The following UBE2E2 variants were observed in gnomAD, a reference collection of about 807,000 sequenced individuals.
UBE2E2 encodes ubiquitin conjugating enzyme E2 E2, also known as ubiquitin-conjugating enzyme E2 E2.
In UBE2E2, 6 loss-of-function variants were observed where a neutral mutation model predicts 24.7. That is an observed-to-expected ratio of 0.24 (90% confidence interval 0.13 to 0.48). The LOEUF (loss-of-function observed/expected upper bound fraction) is 0.48, where lower values mean the gene tolerates loss of function less well. Ranked by LOEUF, UBE2E2 falls within the 20% of genes least tolerant of loss-of-function variation. The probability of loss-of-function intolerance (pLI) is 0.99; values close to 1 mark genes in which losing one functional copy is unlikely to be tolerated. For missense variants in UBE2E2, 169 were observed against 245.0 expected, an observed-to-expected ratio of 0.69 and a Z score of 2.07; for synonymous variants, 104 against 83.6, an observed-to-expected ratio of 1.24 and a Z score of -1.33.
chr3:23,344,862 G>A (rs1271911548), intron 3 of UBE2E2, among the ~76,000 whole-genome samples: 2 of 151,712 alleles, frequency 1.3e-5, no homozygotes, highest in Non-Finnish European at 2.9e-5. Context: ...TAGCACATAA[G>A]TGATCATTAA....
intron 3 of UBE2E2, among the ~76,000 whole-genome samples, chr3:23,217,567 A>G (rs1177092197): frequency 1.3e-5 from 2 of 152,104 alleles, no homozygotes; most frequent in African/African-American, 2.4e-5. Context: ...CAATGAAATT[A>G]TAGGGTAACA....
intron 3 of UBE2E2, among the ~76,000 whole-genome samples, chr3:23,248,567 T>C (rs1299745558): frequency 1.3e-5 from 2 of 152,242 alleles, no homozygotes. Context: ...CACATGCATT[T>C]CACTTTAGTT....
chr3:23,590,762 A>G lies in UBE2E2; in HGVS notation c.*931A>G, dbSNP rs1437341200. ...CAGCTGTCAGTAGCCTGATGATTTT[A>G]TGGTTGTTATAGTAAATTGCTATCA... On this transcript the variant is annotated 3_prime_UTR_variant, in exon 6 of 6. Coordinates refer to ENST00000396703, the MANE Select transcript of UBE2E2 (RefSeq NM_152653.4). The G allele has an allele frequency of 1.3e-5, 2 of 152,186 alleles. No homozygotes were observed. The highest frequency in any genetic ancestry group is 2.9e-5 in the Non-Finnish European group (2 of 68,022). The allele number at this position is 152,186 out of a possible 1,614,324, so 9.4% of individuals were successfully genotyped here. A position where few individuals can be genotyped will look rare whatever the true frequency, so the allele number is the denominator to read the frequency against.
chr3:23,272,130 GC>G (rs1243327592), intron 3 of UBE2E2, among the ~76,000 whole-genome samples: 1 of 152,180 alleles, frequency 6.6e-6, no homozygotes, highest in Non-Finnish European at 1.5e-5. Context: ...CCGCCAGGGG[GC>G]TCGGCCATGG....
intron 3 of UBE2E2, among the ~76,000 whole-genome samples, chr3:23,299,871 G>C (rs1443686714): frequency 6.6e-6 from 1 of 152,070 alleles, no homozygotes; most frequent in East Asian, 1.9e-4. Context: ...TCTGTCTAAT[G>C]TTGACAGTGG....
chr3:23,337,779 T>C (rs1695252359), intron 3 of UBE2E2, among the ~76,000 whole-genome samples: 1 of 152,142 alleles, frequency 6.6e-6, no homozygotes, highest in African/African-American at 2.4e-5. Context: ...GCTATAAAGA[T>C]TGGTAGGAGT....
At chr3:23,420,683 A>C (rs1408850320) in intron 3 of UBE2E2, among the ~76,000 whole-genome samples, 1 of 152,242 alleles carries the variant, frequency 6.6e-6, no homozygotes, top group East Asian at 1.9e-4. Context: ...ACTTGTAAAG[A>C]GGCAAGAATA....
In UBE2E2 at chr3:23,208,816, GAA is replaced by G. The variant is rs1559439204; in HGVS notation, c.121_122del (p.Lys41GlyfsTer11). 2 of 1,613,292 alleles carry G rather than the reference GAA, an allele frequency of 1.2e-6. No homozygotes were observed. The highest frequency in any genetic ancestry group is 1.7e-6 in the Non-Finnish European group (2 of 1,179,608). On this transcript the variant is annotated frameshift_variant, in exon 2 of 6. Coordinates refer to ENST00000396703, the MANE Select transcript of UBE2E2 (RefSeq NM_152653.4). LOFTEE classifies it high-confidence loss of function. ...EPEREQVQPKKKEGKISSKTA... is the reference protein window; with the variant it reads ...EPEREQVQPKXKEGKISSKTA... ...CAGAAAGAGAACAAGTTCAGCCCAA[GAA>G]AAAGGAGGGAAAAATATCCAGCAAA...
At chr3:23,411,332 A>G (rs1697493040) in intron 3 of UBE2E2, among the ~76,000 whole-genome samples, 1 of 152,156 alleles carries the variant, frequency 6.6e-6, no homozygotes, top group South Asian at 2.1e-4. Flanking sequence ...TGTGCTCTAG[A>G]TGATGCCTCC....
chr3:23,451,735 T>A (rs1191917360), intron 3 of UBE2E2, among the ~76,000 whole-genome samples: 1 of 152,212 alleles, frequency 6.6e-6, no homozygotes, highest in Non-Finnish European at 1.5e-5. Context: ...CATACAATCG[T>A]TAGTTATTTT....
intron 3 of UBE2E2, among the ~76,000 whole-genome samples, chr3:23,449,180 T>C (rs947778633): frequency 6.6e-6 from 1 of 152,222 alleles, no homozygotes; most frequent in African/African-American, 2.4e-5. Flanking sequence ...CTGTGTGTGC[T>C]GCAGCCCAAA....
At chr3:23,379,334 G>A (rs1304572043) in intron 3 of UBE2E2, among the ~76,000 whole-genome samples, 3 of 150,692 alleles carry the variant, frequency 2.0e-5, no homozygotes, top group East Asian at 2.0e-4. Flanking sequence ...ATGCTGGTGC[G>A]CTGCACCCAC....
intron 1 of UBE2E2, chr3:23,204,743 C>T (rs1004332611): frequency 1.0e-6 from 1 of 985,242 alleles, no homozygotes; most frequent in Non-Finnish European, 1.2e-6. Flanking sequence ...AATGTCTTTG[C>T]AGTTAAATTT....
At chr3:23,467,622 G>T (rs922658956) in intron 3 of UBE2E2, among the ~76,000 whole-genome samples, 28 of 151,754 alleles carry the variant, frequency 1.8e-4, no homozygotes, top group South Asian at 4.2e-4. Context: ...TCTTAGTTTT[G>T]TTTTTTTTCA....
intron 3 of UBE2E2, among the ~76,000 whole-genome samples, chr3:23,314,192 A>G (rs1428595079): frequency 6.6e-6 from 1 of 152,134 alleles, no homozygotes; most frequent in South Asian, 2.1e-4. Flanking sequence ...GCAGTGGCAC[A>G]ATTACAGCTC....
At chr3:23,511,531 G>C (rs73139772) in intron 4 of UBE2E2, among the ~76,000 whole-genome samples, 6,282 of 152,220 alleles carry the variant, frequency 0.041, 443 homozygotes, top group African/African-American at 0.14. Flanking sequence ...GTACTGATTT[G>C]GGAGTTAGCA....
At chr3:23,437,846 A>T (rs1023717776) in intron 3 of UBE2E2, among the ~76,000 whole-genome samples, 5 of 152,224 alleles carry the variant, frequency 3.3e-5, no homozygotes, top group African/African-American at 1.2e-4. Context: ...TGCCGCACAC[A>T]GGACAGGTGG....
chr3:23,207,348 A>C (rs1316755742), intron 1 of UBE2E2, among the ~76,000 whole-genome samples: 4 of 152,166 alleles, frequency 2.6e-5, no homozygotes, highest in Non-Finnish European at 5.9e-5. Context: ...TTGAGTTGGT[A>C]ATCAGAACTG....
At chr3:23,205,736 A>G (rs904917036) in intron 1 of UBE2E2, among the ~76,000 whole-genome samples, 5 of 152,212 alleles carry the variant, frequency 3.3e-5, no homozygotes, top group African/African-American at 4.8e-5. Flanking sequence ...ATGTGAAACC[A>G]GAAATTACAC....
Sources: gnomAD v4.1 joint callset for allele counts (sites outside exome capture counted in the v4.1 genomes callset) on GRCh38, gnomAD v4.1.1 for gene constraint, MANE v1.5 for transcripts, NCBI Gene and HGNC (gene_info 2026-07-23, HGNC 2026-07-21) for gene names.